Variants in SAMMSON observed in about 807,000 individuals in gnomAD.
SAMMSON encodes survival associated mitochondrial melanoma specific oncogenic non-coding RNA, also known as long intergenic non-protein coding RNA 1212.
chr3:70,115,119 C>T (rs1418321449), intron 4 of SAMMSON, among the ~76,000 whole-genome samples: 1 of 147,932 alleles, frequency 6.8e-6, no homozygotes, highest in Non-Finnish European at 1.5e-5. Context: ...AGCACATATT[C>T]ATTAAGTGCC....
intron 3 of SAMMSON, among the ~76,000 whole-genome samples, chr3:70,040,368 T>C (rs2107586340): frequency 6.6e-6 from 1 of 152,262 alleles, no homozygotes; most frequent in South Asian, 2.1e-4. Context: ...GCAACTACGG[T>C]GCAGAAAGGT....
Position 70,095,536 on chromosome 3 carries a change from T to C in SAMMSON, n.507+23971T>C, listed in dbSNP as rs75117874. Among the ~76,000 whole-genome samples the C allele has an allele frequency of 5.4e-3, 829 of 152,272 alleles. 9 individuals carry two copies. Among genetic ancestry groups the C allele is most frequent in the African/African-American group, 0.019 (789 of 41,538 alleles). On this transcript the variant is annotated intron_variant and non_coding_transcript_variant, in intron 4 of 9. Coordinates refer to ENST00000642114, the Ensembl canonical transcript of SAMMSON. ...TCTTTGTAGGACTCGTCGTGTTATA[T>C]ATTTCACATTTGTTAGCATGATTTT...
At chr3:70,237,018 A>G (rs187138635) in intron 4 of SAMMSON, among the ~76,000 whole-genome samples, 10 of 152,360 alleles carry the variant, frequency 6.6e-5, no homozygotes, top group Admixed American at 2.0e-4. Context: ...CAACATCTCC[A>G]CTTCATTACT....
chr3:70,214,640 ATTAC>A (rs1701387433), intron 4 of SAMMSON, among the ~76,000 whole-genome samples: 1 of 150,160 alleles, frequency 6.7e-6, no homozygotes, highest in Non-Finnish European at 1.5e-5. Flanking sequence ...ATTCTGGATA[ATTAC>A]TTCAGTTTTC....
chr3:70,048,613 T>C (rs1252414786), intron 3 of SAMMSON, among the ~76,000 whole-genome samples: 1 of 152,116 alleles, frequency 6.6e-6, no homozygotes, highest in Non-Finnish European at 1.5e-5. Context: ...CACTGATTGC[T>C]CATGCTAAAT....
chr3:70,092,803 C>G (rs1014341001), intron 4 of SAMMSON, among the ~76,000 whole-genome samples: 17 of 151,832 alleles, frequency 1.1e-4, no homozygotes, highest in Non-Finnish European at 2.1e-4. Flanking sequence ...GACCATTACT[C>G]CTTTTATTTG....
chr3:70,237,278 G>T (rs1412124316), intron 4 of SAMMSON, among the ~76,000 whole-genome samples: 4 of 152,160 alleles, frequency 2.6e-5, no homozygotes, highest in African/African-American at 9.7e-5. Context: ...ATATTCTCCA[G>T]TGCGGATACA....
At chr3:70,184,497 T>A (rs1230412477) in intron 4 of SAMMSON, among the ~76,000 whole-genome samples, 1 of 152,372 alleles carries the variant, frequency 6.6e-6, no homozygotes, top group Non-Finnish European at 1.5e-5. Context: ...TGGATCATTA[T>A]GGCTAAGCCT....
intron 3 of SAMMSON, among the ~76,000 whole-genome samples, chr3:70,044,871 T>A (rs1189772603): frequency 6.8e-6 from 1 of 146,782 alleles, no homozygotes; most frequent in Non-Finnish European, 1.5e-5. Flanking sequence ...TAATTAAACT[T>A]TAAATAAAAT....
At chr3:70,424,609 G>A (rs752405645) in intron 2 of SAMMSON, among the ~76,000 whole-genome samples, 1 of 151,924 alleles carries the variant, frequency 6.6e-6, no homozygotes, top group East Asian at 1.9e-4. Context: ...ATAAAATACG[G>A]CTTTTATTTG....
At chr3:70,081,243 A>C (rs2067266755) in intron 4 of SAMMSON, among the ~76,000 whole-genome samples, 1 of 152,234 alleles carries the variant, frequency 6.6e-6, no homozygotes, top group Non-Finnish European at 1.5e-5. Context: ...CCTTCCAAGT[A>C]GCTGGGACTA....
At chr3:70,092,408 A>G (rs534538467) in intron 4 of SAMMSON, among the ~76,000 whole-genome samples, 2 of 150,058 alleles carry the variant, frequency 1.3e-5, no homozygotes, top group Admixed American at 1.3e-4. Flanking sequence ...AATAACTTCT[A>G]CATTCCATTT....
intron 6 of SAMMSON, among the ~76,000 whole-genome samples, chr3:70,278,221 GT>G (rs1702047005): frequency 6.6e-6 from 1 of 151,998 alleles, no homozygotes; most frequent in African/African-American, 2.4e-5. Flanking sequence ...TTTGTCCAAC[GT>G]TTTGTCTGAA....
chr3:70,196,932 G>C, intron 4 of SAMMSON: 1 of 398,474 alleles, frequency 2.5e-6, no homozygotes, highest in East Asian at 3.6e-5. Context: ...TGTGCTAGCG[G>C]TAACAGATTT....
intron 4 of SAMMSON, chr3:70,204,410 T>A (rs1233671713): frequency 6.6e-6 from 1 of 152,170 alleles, no homozygotes; most frequent in Non-Finnish European, 1.5e-5. Flanking sequence ...TTGTTTGCTG[T>A]TTAGGATAAT....
At chr3:70,294,901 G>C (rs28483404) in intron 7 of SAMMSON, among the ~76,000 whole-genome samples, 15,584 of 151,972 alleles carry the variant, frequency 0.1, 1,052 homozygotes, top group East Asian at 0.37. Flanking sequence ...CATCTTAAAG[G>C]AGCCAATGAT....
intron 9 of SAMMSON, among the ~76,000 whole-genome samples, chr3:70,383,877 A>G (rs567782918): frequency 5.9e-5 from 9 of 152,198 alleles, no homozygotes; most frequent in Non-Finnish European, 1.3e-4. Flanking sequence ...GCAGTGAGGC[A>G]TGCTTTCTGC....
intron 9 of SAMMSON, among the ~76,000 whole-genome samples, chr3:70,386,539 A>G (rs1175037246): frequency 6.6e-6 from 1 of 152,142 alleles, no homozygotes; most frequent in Non-Finnish European, 1.5e-5. Flanking sequence ...GATATCAACA[A>G]TTCTAACTAG....
At chr3:70,086,910 G>C (rs2106644480) in intron 4 of SAMMSON, among the ~76,000 whole-genome samples, 1 of 152,260 alleles carries the variant, frequency 6.6e-6, no homozygotes, top group East Asian at 1.9e-4. Context: ...GTTTTATTTA[G>C]CTGAGGGGAA....
Sources: gnomAD v4.1 joint callset for allele counts (sites outside exome capture counted in the v4.1 genomes callset) on GRCh38, gnomAD v4.1.1 for gene constraint, MANE v1.5 for transcripts, NCBI Gene and HGNC (gene_info 2026-07-23, HGNC 2026-07-21) for gene names.